Variants in ENOPH1 observed in about 807,000 individuals in gnomAD.
The protein encoded by ENOPH1 is enolase-phosphatase 1.
A neutral mutation model predicts 31.1 loss-of-function variants in ENOPH1; 14 were observed. The observed-to-expected ratio is 0.45, with a 90% confidence interval of 0.30 to 0.70. ENOPH1 has a LOEUF of 0.70. Among genes scored for constraint, ENOPH1 ranks in the 30% least tolerant of loss-of-function variants. The pLI, the probability that ENOPH1 is intolerant of heterozygous loss-of-function variation, is 0.09. For synonymous variants in ENOPH1, 127 were observed against 123.2 expected (o/e 1.03, Z -0.21); for missense variants, 243 against 321.5 (o/e 0.76, Z 1.87).
rs1316935850 is a variant in ENOPH1 at position 82,460,987 on chromosome 4, G to A, written c.*867G>A. On this transcript the variant is annotated 3_prime_UTR_variant, in exon 6 of 6. Transcript: ENST00000273920. The stretch of plus-strand genomic sequence containing the variant: ...TAAGATTTTCCTCTGGAATGGATGT[G>A]AGAAATGTAAATTTTATAACAGCAG... The A allele has an allele frequency of 6.6e-6, 1 of 152,196 alleles. No homozygotes were observed. Among genetic ancestry groups the A allele is most frequent in the Non-Finnish European group, 1.5e-5 (1 of 68,030 alleles). The allele number at this position is 152,196 out of a possible 1,614,324, so 9.4% of individuals were successfully genotyped here. A position where few individuals can be genotyped will look rare whatever the true frequency, so the allele number is the denominator to read the frequency against.
intron 1 of ENOPH1, among the ~76,000 whole-genome samples, chr4:82,436,232 T>C (rs2110037072): frequency 6.6e-6 from 1 of 152,302 alleles, no homozygotes; most frequent in Non-Finnish European, 1.5e-5. Flanking sequence ...TGTTGATGGG[T>C]TGATAAACAA....
intron 1 of ENOPH1, among the ~76,000 whole-genome samples, chr4:82,436,336 T>C (rs1396308031): frequency 2.0e-5 from 3 of 152,174 alleles, no homozygotes; most frequent in Non-Finnish European, 4.4e-5. Context: ...TTGACTCAGC[T>C]TGAAACAAGG....
Position 82,460,167 on chromosome 4 carries a change from G to T in ENOPH1, c.*47G>T. ...CGCCCTGTTCCCCAGAGTTGTCCCT[G>T]TAGTGTCTAGGTTTATTCTAATGGT... On this transcript the variant is annotated 3_prime_UTR_variant, in exon 6 of 6. Coordinates refer to ENST00000273920, the MANE Select transcript of ENOPH1 (RefSeq NM_021204.5). 6.2e-7 allele frequency: 1 copy of T among 1,603,666 alleles called. No individual in the cohort carries two copies. Among genetic ancestry groups the T allele is most frequent in the South Asian group, 1.1e-5 (1 of 90,476 alleles).
At chr4:82,454,685 G>A in intron 3 of ENOPH1, 37 bp from the exon 4 acceptor site, 2 of 1,600,694 alleles carry the variant, frequency 1.2e-6, no homozygotes, top group South Asian at 2.3e-5. Context: ...GCTAGATGAG[G>A]TGTTCCTGTA....
chr4:82,458,342 A>C (rs1311848550), intron 5 of ENOPH1, among the ~76,000 whole-genome samples: 1 of 152,138 alleles, frequency 6.6e-6, no homozygotes, highest in Non-Finnish European at 1.5e-5. Context: ...CCTTGTGTCT[A>C]CTAAAATACA....
At chr4:82,451,018 ACAT>A (rs1396741628) in intron 2 of ENOPH1, 22 bp from the exon 3 acceptor site, 3 of 1,594,516 alleles carry the variant, frequency 1.9e-6, no homozygotes, top group Non-Finnish European at 1.7e-6. Context: ...CAAAAAACAA[ACAT>A]CATGTTGTTT....
rs999065634 is a variant in ENOPH1 at position 82,450,895 on chromosome 4, T to C, written c.187-148T>C. 27 of 607,868 alleles carry C rather than the reference T, an allele frequency of 4.4e-5. 2 individuals carry two copies. The highest frequency in any genetic ancestry group is 4.1e-4 in the Admixed American group (13 of 31,642). 37.7% of individuals were successfully genotyped at this position (607,868 alleles called of 1,614,324 possible). A position where few individuals can be genotyped will look rare whatever the true frequency, so the allele number is the denominator to read the frequency against. On this transcript the variant is annotated intron_variant, in intron 2 of 5. Coordinates refer to ENST00000273920, the MANE Select transcript of ENOPH1 (RefSeq NM_021204.5). ...CAGGTTCTTTTAGGAATCATTTGTA[T>C]CAGCTCCAAAGTATATGATGTTTCA...
chr4:82,455,656 G>T (rs987516756), intron 4 of ENOPH1, among the ~76,000 whole-genome samples: 2 of 151,920 alleles, frequency 1.3e-5, no homozygotes, highest in African/African-American at 2.4e-5. Context: ...CGTGGTGGCG[G>T]GCACCTGTAG....
At chr4:82,444,816 A>G (rs560501550) in intron 1 of ENOPH1, among the ~76,000 whole-genome samples, 3 of 152,312 alleles carry the variant, frequency 2.0e-5, no homozygotes, top group African/African-American at 7.2e-5. Flanking sequence ...TGCCTGGTGG[A>G]CTGAAAATAT....
chr4:82,446,612 A>C (rs1364065981), intron 1 of ENOPH1, among the ~76,000 whole-genome samples: 4 of 150,160 alleles, frequency 2.7e-5, no homozygotes, highest in Non-Finnish European at 5.9e-5. Context: ...GAAATTCCTA[A>C]TGCATGGATT....
chr4:82,454,544 T>C (rs1722433580), intron 3 of ENOPH1, among the ~76,000 whole-genome samples, 178 bp from the exon 4 acceptor site: 1 of 152,252 alleles, frequency 6.6e-6, no homozygotes, highest in South Asian at 2.1e-4. Context: ...TAATCTGCTG[T>C]GAGCCTGGAA....
Position 82,457,078 on chromosome 4 carries a change from GA to G in ENOPH1, c.646+42del, listed in dbSNP as rs779961871. The G allele has an allele frequency of 2.4e-4, 375 of 1,586,940 alleles. 1 individual carries two copies. The East Asian group carries it at 8.2e-3, about 35-fold the overall frequency. ...TCTTATATTATATACTCCAGGATATGAACTGAGCCTGGCACTACAAATACAT... is the reference window on the plus strand; with the variant it reads ...TCTTATATTATATACTCCAGGATATGACTGAGCCTGGCACTACAAATACAT... On this transcript the variant is annotated intron_variant, in intron 5 of 5. Transcript: ENST00000273920.
chr4:82,455,459 G>A (rs1468711376), intron 4 of ENOPH1, among the ~76,000 whole-genome samples: 1 of 152,096 alleles, frequency 6.6e-6, no homozygotes, highest in East Asian at 1.9e-4. Flanking sequence ...ACTTACAATA[G>A]GTAACTTGAC....
chr4:82,444,222 ATTCTT>A (rs1180280790), intron 1 of ENOPH1, among the ~76,000 whole-genome samples: 2 of 148,490 alleles, frequency 1.3e-5, no homozygotes, highest in Non-Finnish European at 3.0e-5. Flanking sequence ...TCTCAGCACT[ATTCTT>A]TTTTTTTTTT....
chr4:82,452,586 C>G (rs1225145227), intron 3 of ENOPH1, among the ~76,000 whole-genome samples: 4 of 152,086 alleles, frequency 2.6e-5, no homozygotes, highest in Non-Finnish European at 5.9e-5. Flanking sequence ...AGCCACCCCT[C>G]CCGGCCTATT....
chr4:82,450,386 T>C (rs1400540764), intron 2 of ENOPH1, among the ~76,000 whole-genome samples: 1 of 152,244 alleles, frequency 6.6e-6, no homozygotes, highest in Non-Finnish European at 1.5e-5. Flanking sequence ...CCAAGAACCT[T>C]TCAATGATGT....
chr4:82,451,262 G>C lies in ENOPH1; in HGVS notation c.389+17G>C, dbSNP rs763233966. The C allele has an allele frequency of 1.9e-6, 3 of 1,611,336 alleles. No individual in the cohort carries two copies. The highest frequency in any genetic ancestry group is 2.5e-6 in the Non-Finnish European group (3 of 1,177,688). On this transcript the variant is annotated intron_variant, in intron 3 of 5. Transcript: ENST00000273920. ...GAAAGCAGAGTATGTGCTTGAGTCA[G>C]CCTAAACATTTCACCAGTCCCAAAT...
intron 4 of ENOPH1, 138 bp downstream of exon 4, chr4:82,454,992 CTT>C: frequency 1.3e-6 from 1 of 749,890 alleles, no homozygotes; most frequent in Non-Finnish European, 2.1e-6. Flanking sequence ...AAAATAATCA[CTT>C]TTAATTATAT....
intron 2 of ENOPH1, among the ~76,000 whole-genome samples, chr4:82,450,804 A>G (rs747233558): frequency 2.0e-5 from 3 of 152,234 alleles, no homozygotes; most frequent in Non-Finnish European, 4.4e-5. Flanking sequence ...CTTCTCATAT[A>G]CAACATGCGT....
Sources: gnomAD v4.1 joint callset for allele counts (sites outside exome capture counted in the v4.1 genomes callset) on GRCh38, gnomAD v4.1.1 for gene constraint, MANE v1.5 for transcripts, NCBI Gene and HGNC (gene_info 2026-07-23, HGNC 2026-07-21) for gene names.